APIP: variants seen among roughly 807,000 people sequenced by gnomAD.
The protein encoded by APIP is APAF1 interacting protein, also known as methylthioribulose-1-phosphate dehydratase.
A neutral mutation model predicts 32.0 loss-of-function variants in APIP; 32 were observed. The observed-to-expected ratio is 1.00, with a 90% confidence interval of 0.76 to 1.34. The LOEUF is 1.34. Ranked by LOEUF, APIP falls within the 40% of genes most tolerant of loss-of-function variation. The probability of loss-of-function intolerance (pLI) is 0.00; values close to 1 mark genes in which losing one functional copy is unlikely to be tolerated. For synonymous variants in APIP, 92 were observed against 94.8 expected, an observed-to-expected ratio of 0.97 and a Z score of 0.17; for missense variants, 247 against 298.6, an observed-to-expected ratio of 0.83 and a Z score of 1.27.
intron 6 of APIP, among the ~76,000 whole-genome samples, chr11:34,883,074 A>AT (rs567068160): frequency 4.6e-5 from 7 of 152,010 alleles, no homozygotes; most frequent in African/African-American, 9.7e-5. Flanking sequence ...ATAAATTTAC[A>AT]TTTTTTTTAA....
intron 2 of APIP, among the ~76,000 whole-genome samples, chr11:34,893,612 G>A (rs1853214982): frequency 6.6e-6 from 1 of 152,162 alleles, no homozygotes; most frequent in Admixed American, 6.5e-5. Context: ...AAGAGAGGAG[G>A]CACAGATGGA....
intron 1 of APIP, chr11:34,915,997 C>A (rs767540768): frequency 1.5e-5 from 9 of 598,222 alleles, no homozygotes; most frequent in Admixed American, 6.2e-5. Context: ...ACGTTTGGCG[C>A]CCAGCTCCCG....
chr11:34,888,486 G>A, intron 4 of APIP, 58 bp from the exon 5 acceptor site: 4 of 1,570,970 alleles, frequency 2.5e-6, no homozygotes, highest in Admixed American at 2.1e-5. Context: ...AGCTTTTAAA[G>A]AAAAAAAGTC....
rs762537723 is a variant in APIP at position 34,888,430 on chromosome 11, T to C, written c.326-2A>G. On this transcript the variant is annotated splice_acceptor_variant, in intron 4 of 6. Transcript: ENST00000395787. LOFTEE classifies it high-confidence loss of function. ...GGGTATGAATCACTGCACCTGCTCC[T>C]GAAGGAGGAAGAAGAAAGCCGCATG... 1.2e-6 allele frequency: 2 copies of C among 1,604,328 alleles called. No homozygotes were observed. The highest frequency in any genetic ancestry group is 1.7e-5 in the Admixed American group (1 of 57,450).
chr11:34,894,970 A>G (rs776893657), intron 2 of APIP, 40 bp downstream of exon 2: 21 of 1,544,382 alleles, frequency 1.4e-5, no homozygotes, highest in East Asian at 2.2e-5. Context: ...GGTCTACTCA[A>G]ATGGAGAGTT....
intron 1 of APIP, among the ~76,000 whole-genome samples, chr11:34,911,891 C>A (rs1345568357): frequency 6.6e-6 from 1 of 152,158 alleles, no homozygotes; most frequent in Non-Finnish European, 1.5e-5. Flanking sequence ...CCCCCCATGC[C>A]CCACTGCCCA....
Position 34,890,420 on chromosome 11 carries a change from T to A in APIP, c.207+84A>T, listed in dbSNP as rs2303958. 4.7e-5 allele frequency: 61 copies of A among 1,308,218 alleles called. 1 individual carries two copies. In the South Asian group the frequency reaches 8.3e-4, roughly 18 times the overall value. 81.0% of individuals were successfully genotyped at this position (1,308,218 alleles called of 1,614,324 possible). A position where few individuals can be genotyped will look rare whatever the true frequency, so the allele number is the denominator to read the frequency against. On this transcript the variant is annotated intron_variant, in intron 3 of 6. Transcript: ENST00000395787. ...ATTCAAATTGCTATGATAAAATGAA[T>A]GTTTTCTCTTAAAATTAATTCCATT...
intron 2 of APIP, among the ~76,000 whole-genome samples, chr11:34,894,349 A>T (rs919298390): frequency 6.6e-6 from 1 of 151,834 alleles, no homozygotes; most frequent in South Asian, 2.1e-4. Flanking sequence ...ATTTTTAATG[A>T]TTAGTCATCT....
chr11:34,898,545 C>T (rs946343929), intron 1 of APIP, among the ~76,000 whole-genome samples: 1 of 152,136 alleles, frequency 6.6e-6, no homozygotes, highest in African/African-American at 2.4e-5. Context: ...TGTCACAAAA[C>T]TCTCCTTCTT....
chr11:34,890,298 T>C (rs533581984), intron 3 of APIP, among the ~76,000 whole-genome samples: 62 of 152,214 alleles, frequency 4.1e-4, no homozygotes, highest in African/African-American at 1.5e-3. Flanking sequence ...CCCCTATAGG[T>C]TGAATGAGAT....
intron 1 of APIP, among the ~76,000 whole-genome samples, chr11:34,912,539 G>A (rs569946307): frequency 9.9e-4 from 151 of 152,284 alleles, no homozygotes; most frequent in African/African-American, 3.4e-3. Context: ...TGCTGCCAAA[G>A]GAGGATTAAC....
intron 1 of APIP, among the ~76,000 whole-genome samples, chr11:34,896,146 TTGG>T (rs1175187310): frequency 6.6e-6 from 1 of 152,166 alleles, no homozygotes; most frequent in Non-Finnish European, 1.5e-5. Flanking sequence ...TTTTACACTG[TTGG>T]TGGGAGTGTA....
In APIP at chr11:34,888,374, A is replaced by G. The variant is rs1171182276; in HGVS notation, c.380T>C (p.Leu127Pro). 1.2e-6 allele frequency: 2 copies of G among 1,611,374 alleles called. No individual in the cohort carries two copies. Among genetic ancestry groups the G allele is most frequent in the South Asian group, 1.1e-5 (1 of 90,342 alleles). ...AATTTTAAACTCCCGTCCTGGAAAG[A>G]GAAGTGTGGCCATCACAGCAGCTTT... ...HSKAAVMATL[L>P]FPGREFKITH... Residue 127 changes from leucine to proline, a missense_variant, in exon 5 of 7, where the codon CTC becomes CCC. By Grantham distance (98) the Leu-to-Pro change is moderately conservative. Transcript: ENST00000395787.
chr11:34,896,730 C>CAAT (rs2133912606), intron 1 of APIP: 1 of 1,230,866 alleles, frequency 8.1e-7, no homozygotes, highest in Non-Finnish European at 1.1e-6. Context: ...AATAAAGCAA[C>CAAT]AACAACAACA....
intron 1 of APIP, among the ~76,000 whole-genome samples, 197 bp from the exon 2 acceptor site, chr11:34,895,307 AC>A (rs1853250471): frequency 6.6e-6 from 1 of 152,312 alleles, no homozygotes; most frequent in South Asian, 2.1e-4. Flanking sequence ...TTATTTGGCA[AC>A]CTGGGAGTAT....
At chr11:34,887,386 G>A (rs1853095879) in intron 5 of APIP, among the ~76,000 whole-genome samples, 1 of 152,114 alleles carries the variant, frequency 6.6e-6, no homozygotes, top group Non-Finnish European at 1.5e-5. Flanking sequence ...ACTTTCCTCA[G>A]TATGTACACT....
intron 1 of APIP, among the ~76,000 whole-genome samples, chr11:34,905,078 T>G (rs536864132): frequency 2.7e-4 from 41 of 152,350 alleles, no homozygotes; most frequent in African/African-American, 9.6e-4. Context: ...CTATTTGCAG[T>G]AGGACTATAT....
chr11:34,895,980 A>T (rs1327023641), intron 1 of APIP, among the ~76,000 whole-genome samples: 2 of 152,224 alleles, frequency 1.3e-5, no homozygotes, highest in Admixed American at 6.5e-5. Context: ...ATTATTTTTT[A>T]AAATATTTCA....
chr11:34,903,327 C>A (rs970990337), intron 1 of APIP, among the ~76,000 whole-genome samples: 26 of 152,222 alleles, frequency 1.7e-4, no homozygotes, highest in African/African-American at 6.3e-4. Flanking sequence ...ATGCAATGGT[C>A]ACTCTAAATG....
Sources: gnomAD v4.1 joint callset for allele counts (sites outside exome capture counted in the v4.1 genomes callset) on GRCh38, gnomAD v4.1.1 for gene constraint, MANE v1.5 for transcripts, NCBI Gene and HGNC (gene_info 2026-07-23, HGNC 2026-07-21) for gene names.